FBXL2: variants seen among roughly 807,000 people sequenced by gnomAD.
The protein encoded by FBXL2 is F-box and leucine rich repeat protein 2.
FBXL2 carries 38 observed loss-of-function variants against 69.2 expected under a neutral mutation model. The ratio of observed to expected loss-of-function variants is 0.55; its 90% CI spans 0.42 to 0.72. FBXL2 has a LOEUF of 0.72. Ranked by LOEUF, FBXL2 falls within the 30% of genes least tolerant of loss-of-function variation. The pLI is 0.00. For synonymous variants in FBXL2, 192 were observed against 201.3 expected (o/e 0.95, Z 0.39); for missense variants, 354 against 520.3 (o/e 0.68, Z 3.11).
the FBXL2 span, chr3:33,408,914 AGTT>A: frequency 9.6e-7 from 1 of 1,039,520 alleles, no homozygotes; most frequent in Admixed American, 2.6e-5. Context: ...CAGGATTCAA[AGTT>A]AAAAAAAATG....
chr3:33,325,551 A>G (rs968275883), intron 2 of FBXL2, among the ~76,000 whole-genome samples: 8 of 152,150 alleles, frequency 5.3e-5, no homozygotes, highest in Non-Finnish European at 1.2e-4. Context: ...TGAGATAATC[A>G]TGTGGTTTTT....
chr3:33,324,859 T>C (rs2038557471), intron 2 of FBXL2, among the ~76,000 whole-genome samples: 1 of 152,202 alleles, frequency 6.6e-6, no homozygotes. Flanking sequence ...GGTGGCTTCA[T>C]GGGGATAGCA....
At chr3:33,361,187 C>T (rs911654696) in intron 4 of FBXL2, among the ~76,000 whole-genome samples, 1 of 150,446 alleles carries the variant, frequency 6.6e-6, no homozygotes, top group Non-Finnish European at 1.5e-5. Context: ...CATCGTGATC[C>T]GCCCGCCTCG....
At chr3:33,356,626 G>A (rs1575321341) in intron 2 of FBXL2, among the ~76,000 whole-genome samples, 1 of 152,094 alleles carries the variant, frequency 6.6e-6, no homozygotes, top group South Asian at 2.1e-4. Context: ...GAGATTACAG[G>A]TGTGAGCCAC....
chr3:33,280,421 C>A (rs2033844463), intron 1 of FBXL2, among the ~76,000 whole-genome samples: 1 of 152,134 alleles, frequency 6.6e-6, no homozygotes, highest in African/African-American at 2.4e-5. Context: ...TACGAAAAGA[C>A]TTCAAGGCTG....
intron 2 of FBXL2, among the ~76,000 whole-genome samples, chr3:33,317,321 A>G (rs552089453): frequency 2.8e-4 from 42 of 152,266 alleles, no homozygotes; most frequent in African/African-American, 1.0e-3. Context: ...TTACACCTCA[A>G]CCTCAAGAGA....
At chr3:33,327,182 AC>A (rs772932273) in intron 2 of FBXL2, among the ~76,000 whole-genome samples, 8 of 152,178 alleles carry the variant, frequency 5.3e-5, no homozygotes, top group Non-Finnish European at 7.4e-5. Flanking sequence ...GATACTCAAA[AC>A]AGTCTTTTGT....
At chr3:33,397,219 A>G (rs1170087441) in intron 12 of FBXL2, 3 of 999,626 alleles carry the variant, frequency 3.0e-6, no homozygotes, top group Admixed American at 2.6e-5. Context: ...ATGCAGTCCA[A>G]TGTCCTTCAA....
chr3:33,370,535 T>A (rs1167423777), intron 5 of FBXL2, among the ~76,000 whole-genome samples: 1 of 152,226 alleles, frequency 6.6e-6, no homozygotes, highest in Admixed American at 6.5e-5. Context: ...ATAAATCTGC[T>A]GTCACCCTTA....
At chr3:33,299,558 T>A (rs895802559) in intron 2 of FBXL2, among the ~76,000 whole-genome samples, 1 of 152,212 alleles carries the variant, frequency 6.6e-6, no homozygotes, top group Non-Finnish European at 1.5e-5. Context: ...TCACATTTGC[T>A]GTCATCAGGT....
chr3:33,277,563 C>A (rs1487135361), intron 1 of FBXL2, 48 bp downstream of exon 1: 1 of 1,257,522 alleles, frequency 8.0e-7, no homozygotes, highest in Non-Finnish European at 1.0e-6. Context: ...CTACCCCTAC[C>A]GGGCTGGGTC....
chr3:33,332,429 G>C (rs998446938), intron 2 of FBXL2, among the ~76,000 whole-genome samples: 11 of 152,056 alleles, frequency 7.2e-5, no homozygotes, highest in African/African-American at 2.7e-4. Flanking sequence ...CCACTTTTAG[G>C]TATATACCCC....
chr3:33,354,326 C>G (rs956340293), intron 2 of FBXL2, among the ~76,000 whole-genome samples: 7 of 151,944 alleles, frequency 4.6e-5, no homozygotes, highest in Non-Finnish European at 5.9e-5. Context: ...CCAGCCTGAC[C>G]AATATAGTGA....
chr3:33,330,026 T>G lies in FBXL2; in HGVS notation c.66-28941T>G, dbSNP rs751418744. 1.3e-3 allele frequency among the ~76,000 whole-genome samples: 202 copies of G among 152,170 alleles called. 3 individuals are homozygous for G. The highest frequency in any genetic ancestry group is 9.6e-4 in the Non-Finnish European group (65 of 68,036). ...GGTCCAGTGTGGTGGCTCACACCTA[T>G]AATCCCAGCACTTTGGGAGGCCAAG... On this transcript the variant is annotated intron_variant, in intron 2 of 14. Coordinates refer to ENST00000484457, the MANE Select transcript of FBXL2 (RefSeq NM_012157.5).
chr3:33,365,617 G>T (rs2041902843), intron 5 of FBXL2, among the ~76,000 whole-genome samples: 1 of 152,128 alleles, frequency 6.6e-6, no homozygotes, highest in Admixed American at 6.5e-5. Flanking sequence ...GCCAGGCACA[G>T]TGGCTCATGC....
At chr3:33,402,647 T>G (rs1240541873) in intron 12 of FBXL2, among the ~76,000 whole-genome samples, 1 of 152,006 alleles carries the variant, frequency 6.6e-6, no homozygotes. Context: ...GAAAAGACAA[T>G]GATTGTCCTC....
At chr3:33,385,480 C>A in intron 14 of FBXL2, 21 bp from the exon 15 acceptor site, 1 of 1,604,524 alleles carries the variant, frequency 6.2e-7, no homozygotes, top group Non-Finnish European at 8.5e-7. Flanking sequence ...AAAGACTCCA[C>A]TTTTTTCTTC....
intron 1 of FBXL2, among the ~76,000 whole-genome samples, chr3:33,277,839 A>G (rs1425930208): frequency 6.6e-6 from 1 of 152,098 alleles, no homozygotes; most frequent in African/African-American, 2.4e-5. Context: ...GAAGCCACCC[A>G]AGGAGGGTGT....
intron 12 of FBXL2, among the ~76,000 whole-genome samples, chr3:33,398,634 T>C (rs1314277659): frequency 6.6e-6 from 1 of 152,198 alleles, no homozygotes; most frequent in Non-Finnish European, 1.5e-5. Context: ...GGCTAGCTCC[T>C]CGCCCACTTT....
Sources: allele counts gnomAD v4.1 joint callset (sites outside exome capture counted in the v4.1 genomes callset), GRCh38; gene constraint gnomAD v4.1.1; transcripts MANE v1.5; gene names NCBI Gene and HGNC (gene_info 2026-07-23, HGNC 2026-07-21).